Variants in COG5 observed in about 807,000 individuals in gnomAD.
The protein encoded by COG5 is component of oligomeric golgi complex 5, also known as conserved oligomeric Golgi complex subunit 5.
Under a neutral mutation model 110.4 loss-of-function variants are expected in COG5, and 86 were observed. The ratio of observed to expected loss-of-function variants is 0.78; its 90% CI spans 0.65 to 0.93. COG5 has a LOEUF of 0.93. Ranked by LOEUF, COG5 falls within the 40% of genes least tolerant of loss-of-function variation. COG5 has a pLI of 0.00. For synonymous variants in COG5, 360 were observed against 334.6 expected (o/e 1.08, Z -0.83); for missense variants, 1,077 against 987.0 (o/e 1.09, Z -1.22).
At chr7:107,555,702 T>G (rs1417035588) in intron 2 of COG5, among the ~76,000 whole-genome samples, 1 of 151,934 alleles carries the variant, frequency 6.6e-6, no homozygotes, top group South Asian at 2.1e-4. Flanking sequence ...TTTCCAAGAG[T>G]TGTGGAAGAC....
At chr7:107,350,177 G>T (rs1244664989) in intron 10 of COG5, among the ~76,000 whole-genome samples, 2 of 152,134 alleles carry the variant, frequency 1.3e-5, no homozygotes, top group Non-Finnish European at 2.9e-5. Context: ...TCTTCTTCCA[G>T]TTAGGCTTAT....
chr7:107,337,370 A>G (rs1810792530), intron 10 of COG5, among the ~76,000 whole-genome samples: 1 of 152,230 alleles, frequency 6.6e-6, no homozygotes, highest in Non-Finnish European at 1.5e-5. Context: ...TGCAAAAGCG[A>G]AGATATGAAA....
intron 6 of COG5, among the ~76,000 whole-genome samples, chr7:107,436,625 CA>C (rs1468358942): frequency 6.6e-6 from 1 of 151,908 alleles, no homozygotes; most frequent in Non-Finnish European, 1.5e-5. Context: ...TATTTTATGA[CA>C]AAAAAGTTCT....
At chr7:107,460,980 T>C (rs1278779569) in intron 6 of COG5, among the ~76,000 whole-genome samples, 1 of 152,146 alleles carries the variant, frequency 6.6e-6, no homozygotes, top group Admixed American at 6.5e-5. Context: ...ATAAAACTTC[T>C]TGGCTCAAAT....
intron 16 of COG5, among the ~76,000 whole-genome samples, chr7:107,249,075 C>T (rs1396078530): frequency 1.3e-5 from 2 of 152,052 alleles, no homozygotes; most frequent in Non-Finnish European, 2.9e-5. Flanking sequence ...TTTTTTTCTG[C>T]TCTTTCCCCT....
chr7:107,539,653 A>G (rs1392362922), intron 5 of COG5, among the ~76,000 whole-genome samples: 1 of 152,174 alleles, frequency 6.6e-6, no homozygotes, highest in African/African-American at 2.4e-5. Context: ...TGTATTCACA[A>G]GATGCAATCT....
chr7:107,405,798 A>G (rs539128003), intron 7 of COG5, among the ~76,000 whole-genome samples: 1 of 152,292 alleles, frequency 6.6e-6, no homozygotes, highest in South Asian at 2.1e-4. Flanking sequence ...TGACTATATC[A>G]TGAGGGCAGG....
At chr7:107,489,909 C>G (rs1478099508) in intron 6 of COG5, among the ~76,000 whole-genome samples, 1 of 152,084 alleles carries the variant, frequency 6.6e-6, no homozygotes, top group African/African-American at 2.4e-5. Flanking sequence ...AAAATGATAG[C>G]ATCTACCTCA....
intron 8 of COG5, among the ~76,000 whole-genome samples, chr7:107,367,283 A>G (rs908727121): frequency 5.3e-5 from 8 of 152,102 alleles, no homozygotes; most frequent in African/African-American, 1.9e-4. Flanking sequence ...ACATTTTGAA[A>G]AATCAACTAG....
At chr7:107,306,833 T>C (rs1415299182) in intron 11 of COG5, among the ~76,000 whole-genome samples, 2 of 152,166 alleles carry the variant, frequency 1.3e-5, no homozygotes, top group Non-Finnish European at 2.9e-5. Flanking sequence ...TTCTACCTTC[T>C]TCCCGTCTAT....
chr7:107,273,821 T>G (rs549414482), intron 14 of COG5, among the ~76,000 whole-genome samples: 4 of 151,790 alleles, frequency 2.6e-5, no homozygotes, highest in African/African-American at 9.7e-5. Flanking sequence ...AGAAAAAAAA[T>G]TTTTAAATGA....
chr7:107,440,384 T>C (rs1347567946), intron 6 of COG5, among the ~76,000 whole-genome samples: 2 of 151,866 alleles, frequency 1.3e-5, no homozygotes, highest in Non-Finnish European at 2.9e-5. Context: ...TTGTTTTTCT[T>C]GGTTAAAAAA....
intron 6 of COG5, among the ~76,000 whole-genome samples, chr7:107,446,093 A>C (rs992964270): frequency 2.0e-5 from 3 of 152,210 alleles, no homozygotes; most frequent in African/African-American, 4.8e-5. Context: ...GACAAACTTG[A>C]CCAGTTCAAG....
At chr7:107,558,540 G>T (rs1249851656) in intron 1 of COG5, among the ~76,000 whole-genome samples, 2 of 150,928 alleles carry the variant, frequency 1.3e-5, no homozygotes, top group East Asian at 2.0e-4. Context: ...GGAGGCACAG[G>T]CTGCAGTGAG....
chr7:107,558,496 C>G (rs535934850), intron 1 of COG5, among the ~76,000 whole-genome samples: 3 of 151,986 alleles, frequency 2.0e-5, no homozygotes, highest in Non-Finnish European at 4.4e-5. Flanking sequence ...CCCAGCTACT[C>G]GGGAGGCTGA....
chr7:107,451,645 A>G (rs1020149433), intron 6 of COG5, among the ~76,000 whole-genome samples: 4 of 151,382 alleles, frequency 2.6e-5, no homozygotes, highest in African/African-American at 9.7e-5. Flanking sequence ...TCTTCCTCCT[A>G]CTCCTCAGCC....
At chr7:107,289,867 C>T (rs1486047253) in intron 12 of COG5, among the ~76,000 whole-genome samples, 1 of 152,050 alleles carries the variant, frequency 6.6e-6, no homozygotes, top group African/African-American at 2.4e-5. Flanking sequence ...TCCTACCTAC[C>T]TCCTGTGCCA....
intron 19 of COG5, 121 bp from the exon 20 acceptor site, chr7:107,211,346 C>CA: frequency 9.3e-7 from 1 of 1,080,970 alleles, no homozygotes; most frequent in Admixed American, 1.8e-5. Context: ...AGGAGCCCTC[C>CA]ACTGCTTAAC....
chr7:107,220,774 G>A (rs1799857937), intron 19 of COG5, among the ~76,000 whole-genome samples: 1 of 151,996 alleles, frequency 6.6e-6, no homozygotes, highest in South Asian at 2.1e-4. Flanking sequence ...GCCCTGAAAG[G>A]GGACTTTGAG....
Sources: gnomAD v4.1 joint callset for allele counts (sites outside exome capture counted in the v4.1 genomes callset) on GRCh38, gnomAD v4.1.1 for gene constraint, MANE v1.5 for transcripts, NCBI Gene and HGNC (gene_info 2026-07-23, HGNC 2026-07-21) for gene names.